The following NAALADL2 variants were observed in gnomAD, a reference collection of about 807,000 sequenced individuals.
NAALADL2 encodes the protein inactive N-acetylated-alpha-linked acidic dipeptidase-like protein 2.
NAALADL2 carries 76 observed loss-of-function variants against 87.2 expected under a neutral mutation model. The ratio of observed to expected loss-of-function variants is 0.87; its 90% CI spans 0.72 to 1.05. The LOEUF is 1.05. Among genes scored for constraint, NAALADL2 ranks in the 50% least tolerant of loss-of-function variants. The probability of loss-of-function intolerance (pLI) is 0.00; values close to 1 mark genes in which losing one functional copy is unlikely to be tolerated. For missense variants in NAALADL2, 1,089 were observed against 945.8 expected (o/e 1.15, Z -1.99); for synonymous variants, 354 against 331.0 (o/e 1.07, Z -0.75).
chr3:175,635,264 CA>C (rs1349375180), intron 11 of NAALADL2, among the ~76,000 whole-genome samples: 2 of 151,908 alleles, frequency 1.3e-5, no homozygotes, highest in Non-Finnish European at 2.9e-5. Flanking sequence ...AATTATTACA[CA>C]ATATGTGATT....
At chr3:175,699,134 A>G (rs1051999329) in intron 11 of NAALADL2, among the ~76,000 whole-genome samples, 1 of 151,986 alleles carries the variant, frequency 6.6e-6, no homozygotes, top group African/African-American at 2.4e-5. Flanking sequence ...TAAAGGAAGG[A>G]ATTCTGTGGC....
chr3:175,586,907 A>C (rs912248057), intron 10 of NAALADL2, among the ~76,000 whole-genome samples: 2 of 152,218 alleles, frequency 1.3e-5, no homozygotes, highest in African/African-American at 4.8e-5. Context: ...ATTGGGGTTA[A>C]ATTTAGGGTG....
At chr3:175,431,208 C>T (rs188964799) in intron 5 of NAALADL2, among the ~76,000 whole-genome samples, 1 of 151,968 alleles carries the variant, frequency 6.6e-6, no homozygotes, top group Admixed American at 6.6e-5. Context: ...CAAAGCCTGT[C>T]CTATGATCTG....
intron 1 of NAALADL2, among the ~76,000 whole-genome samples, chr3:174,492,881 C>T (rs1718292295): frequency 6.6e-6 from 1 of 152,162 alleles, no homozygotes; most frequent in Non-Finnish European, 1.5e-5. Flanking sequence ...GTGCCCAGGG[C>T]AAATTCAAAG....
In NAALADL2 at chr3:174,608,715, G is replaced by C. The variant is rs570440578; in HGVS notation, c.-115+58078G>C. ...GAGTCCAGGACCAGATGGATTCACA[G>C]CCGAATTCTACCAGAGGTACAAGGA... On this transcript the variant is annotated intron_variant, in intron 2 of 3. Transcript: ENST00000434257. Among the ~76,000 whole-genome samples, 912 of 150,230 alleles carry C rather than the reference G, an allele frequency of 6.1e-3. 16 individuals carry two copies. The highest frequency in any genetic ancestry group is 0.021 in the African/African-American group (863 of 40,940).
chr3:175,306,917 T>C (rs901582003), intron 4 of NAALADL2, among the ~76,000 whole-genome samples: 2 of 152,118 alleles, frequency 1.3e-5, no homozygotes, highest in Non-Finnish European at 2.9e-5. Flanking sequence ...TTACTGAAAA[T>C]GAAGCCATTG....
At chr3:174,664,322 G>C (rs180733591) in intron 2 of NAALADL2, among the ~76,000 whole-genome samples, 82 of 152,162 alleles carry the variant, frequency 5.4e-4, no homozygotes, top group Non-Finnish European at 9.6e-4. Flanking sequence ...TTCTTTTAGC[G>C]ATCGGACATA....
At chr3:174,561,451 C>T (rs1049922279) in intron 2 of NAALADL2, among the ~76,000 whole-genome samples, 4 of 152,170 alleles carry the variant, frequency 2.6e-5, no homozygotes, top group Admixed American at 6.5e-5. Flanking sequence ...CCACCCTCCT[C>T]GGCCTCCCAA....
chr3:174,469,058 C>G (rs951589042), intron 1 of NAALADL2, among the ~76,000 whole-genome samples: 6 of 151,716 alleles, frequency 4.0e-5, no homozygotes, highest in Non-Finnish European at 5.9e-5. Flanking sequence ...CCACCGTGCC[C>G]GGCCTAACTA....
At chr3:175,472,237 AT>A (rs572733064) in intron 9 of NAALADL2, among the ~76,000 whole-genome samples, 219 of 152,064 alleles carry the variant, frequency 1.4e-3, no homozygotes, top group Non-Finnish European at 2.4e-3. Context: ...TGTTTGAAAA[AT>A]TACCTGTGGA....
chr3:175,238,511 T>C (rs1193438378), intron 3 of NAALADL2, among the ~76,000 whole-genome samples: 2 of 152,174 alleles, frequency 1.3e-5, no homozygotes, highest in Admixed American at 6.5e-5. Flanking sequence ...GTATTAATAA[T>C]GCAAATCTAT....
intron 1 of NAALADL2, among the ~76,000 whole-genome samples, chr3:174,919,488 C>T (rs1219325799): frequency 6.6e-6 from 1 of 152,176 alleles, no homozygotes; most frequent in Non-Finnish European, 1.5e-5. Flanking sequence ...AACTTCTCAT[C>T]CGTTCAAGTA....
At chr3:175,519,232 AT>A (rs1366040194) in intron 9 of NAALADL2, among the ~76,000 whole-genome samples, 1 of 152,202 alleles carries the variant, frequency 6.6e-6, no homozygotes, top group Non-Finnish European at 1.5e-5. Flanking sequence ...TTAGAATGAT[AT>A]ATTTAGGTTT....
intron 11 of NAALADL2, among the ~76,000 whole-genome samples, chr3:175,668,339 T>C (rs998441321): frequency 6.6e-6 from 1 of 152,182 alleles, no homozygotes; most frequent in Non-Finnish European, 1.5e-5. Flanking sequence ...AGATCTTTTT[T>C]ATGAGCTATT....
At chr3:175,055,986 A>C (rs1319731724) in intron 1 of NAALADL2, among the ~76,000 whole-genome samples, 1 of 152,158 alleles carries the variant, frequency 6.6e-6, no homozygotes, top group Non-Finnish European at 1.5e-5. Context: ...TGGGCGGTGT[A>C]TTCTAACAGG....
chr3:175,488,043 T>G (rs1727552635), intron 9 of NAALADL2, among the ~76,000 whole-genome samples: 1 of 152,188 alleles, frequency 6.6e-6, no homozygotes, highest in Non-Finnish European at 1.5e-5. Flanking sequence ...CTGACATTAT[T>G]GAAATGGAAA....
intron 3 of NAALADL2, among the ~76,000 whole-genome samples, chr3:174,774,013 C>A (rs569452496): frequency 1.3e-5 from 2 of 152,138 alleles, no homozygotes; most frequent in African/African-American, 4.8e-5. Flanking sequence ...GTCTTAAGAC[C>A]TCTTCCATTG....
chr3:174,516,002 A>C (rs2108400781), intron 1 of NAALADL2, among the ~76,000 whole-genome samples: 1 of 152,178 alleles, frequency 6.6e-6, no homozygotes, highest in South Asian at 2.1e-4. Context: ...GGTTGACCCA[A>C]GTGCTTGGCT....
chr3:174,946,902 C>G (rs1739509353), intron 1 of NAALADL2, among the ~76,000 whole-genome samples: 1 of 152,108 alleles, frequency 6.6e-6, no homozygotes, highest in Non-Finnish European at 1.5e-5. Context: ...TTATATTGAA[C>G]ACATGAATAT....
Sources: allele counts gnomAD v4.1 joint callset (sites outside exome capture counted in the v4.1 genomes callset), GRCh38; gene constraint gnomAD v4.1.1; transcripts MANE v1.5; gene names NCBI Gene and HGNC (gene_info 2026-07-23, HGNC 2026-07-21).